Variants in PCDHGB3 observed in about 807,000 individuals in gnomAD.
PCDHGB3 encodes the protein protocadherin gamma-B3.
PCDHGB3 carries 40 observed loss-of-function variants against 59.2 expected under a neutral mutation model. The ratio of observed to expected loss-of-function variants is 0.68; its 90% CI spans 0.52 to 0.88. The LOEUF (loss-of-function observed/expected upper bound fraction) is 0.88, where lower values mean the gene tolerates loss of function less well. Ranked by LOEUF, PCDHGB3 falls within the 40% of genes least tolerant of loss-of-function variation. The pLI, the probability that PCDHGB3 is intolerant of heterozygous loss-of-function variation, is 0.00. For synonymous variants in PCDHGB3, 581 were observed against 503.6 expected (o/e 1.15, Z -2.06); for missense variants, 1,309 against 1,187.9 (o/e 1.10, Z -1.50).
At chr5:141,400,799 G>C (rs2094077749) in intron 1 of PCDHGB3, 1 of 553,376 alleles carries the variant, frequency 1.8e-6, no homozygotes, top group Non-Finnish European at 3.2e-6. Flanking sequence ...CTTTCTCAAA[G>C]CTAATGAATT....
chr5:141,399,436 C>T (rs550386808), intron 1 of PCDHGB3: 12 of 1,613,996 alleles, frequency 7.4e-6, no homozygotes, highest in Admixed American at 3.3e-5. Context: ...CGTCATCCTA[C>T]ATATCAGAGA....
chr5:141,385,363 T>G lies in PCDHGB3; in HGVS notation c.2415+12554T>G, dbSNP rs533363868. The G allele has an allele frequency of 5.7e-5, 88 of 1,539,980 alleles. No individual in the cohort carries two copies. The South Asian group carries it at 1.1e-3, about 19-fold the overall frequency. The stretch of plus-strand genomic sequence containing the variant: ...TCCTTTATTTCCATGAGGAATTTAT[T>G]TGCATGATATTTCTCTATTATTTTG... On this transcript the variant is annotated intron_variant, in intron 1 of 3. Transcript: ENST00000576222.
At chr5:141,442,403 G>A (rs1042068651) in intron 1 of PCDHGB3, 2 of 152,168 alleles carry the variant, frequency 1.3e-5, no homozygotes, top group African/African-American at 4.8e-5. Context: ...TACGAATCCA[G>A]GGCTGAGTGA....
At chr5:141,415,024 G>C in intron 1 of PCDHGB3, 1 of 1,613,568 alleles carries the variant, frequency 6.2e-7, no homozygotes, top group Non-Finnish European at 8.5e-7. Flanking sequence ...CAAGGCCAGC[G>C]AGCCGGGACT....
intron 1 of PCDHGB3, chr5:141,421,995 C>G (rs750731453): frequency 6.2e-7 from 1 of 1,608,844 alleles, no homozygotes; most frequent in South Asian, 1.1e-5. Context: ...CAGAAAACAT[C>G]AGCTCCGGAA....
At chr5:141,373,976 G>A in intron 1 of PCDHGB3, 3 of 1,066,504 alleles carry the variant, frequency 2.8e-6, no homozygotes, top group South Asian at 2.6e-5. Context: ...CTTCGCATCC[G>A]GTCTCTGCTT....
chr5:141,404,185 C>T, intron 1 of PCDHGB3: 1 of 1,613,214 alleles, frequency 6.2e-7, no homozygotes, highest in Non-Finnish European at 8.5e-7. Context: ...AAATTCTTGA[C>T]CGAGAAAAAG....
chr5:141,458,575 G>A (rs1337776166), intron 1 of PCDHGB3, among the ~76,000 whole-genome samples: 1 of 151,346 alleles, frequency 6.6e-6, no homozygotes, highest in Non-Finnish European at 1.5e-5. Context: ...GTTTTTGTTT[G>A]TTTGTTTGTT....
At chr5:141,497,703 C>T (rs995815060) in intron 2 of PCDHGB3, among the ~76,000 whole-genome samples, 16 of 152,134 alleles carry the variant, frequency 1.1e-4, no homozygotes, top group African/African-American at 3.9e-4. Context: ...CCACACCCAG[C>T]TCATTTTTGT....
chr5:141,394,229 T>C, intron 1 of PCDHGB3: 1 of 1,613,872 alleles, frequency 6.2e-7, no homozygotes, highest in Non-Finnish European at 8.5e-7. Flanking sequence ...CCTCCATCTT[T>C]TCCTTGACTG....
chr5:141,480,429 T>C (rs72790066), intron 1 of PCDHGB3, among the ~76,000 whole-genome samples: 4 of 151,864 alleles, frequency 2.6e-5, no homozygotes, highest in African/African-American at 9.7e-5. Flanking sequence ...AAAAAAATTA[T>C]CAGCTATTAC....
Position 141,511,065 on chromosome 5 carries a change from C to T in PCDHGB3, c.2682C>T (p.Ile894=). Residue 894 remains isoleucine, a synonymous_variant, in exon 4 of 4, where the codon ATC becomes ATT. Transcript: ENST00000576222. ...HVPDYRQNVY[I]PGSNATLTNA... ...CCGACTACCGCCAGAATGTCTACATCCCAGGCAGCAATGCCACACTGACCA... is the reference window on the plus strand; with the variant it reads ...CCGACTACCGCCAGAATGTCTACATTCCAGGCAGCAATGCCACACTGACCA... The T allele has an allele frequency of 6.2e-7, 1 of 1,614,222 alleles. No individual in the cohort carries two copies. Among genetic ancestry groups the T allele is most frequent in the Middle Eastern group, 1.6e-4 (1 of 6,062 alleles).
At chr5:141,382,174 T>C (rs565518933) in intron 1 of PCDHGB3, among the ~76,000 whole-genome samples, 1 of 152,302 alleles carries the variant, frequency 6.6e-6, no homozygotes, top group African/African-American at 2.4e-5. Context: ...TTAGACCGTC[T>C]CTAAGGTTCT....
chr5:141,384,238 G>C, intron 1 of PCDHGB3: 2 of 1,613,838 alleles, frequency 1.2e-6, no homozygotes, highest in Admixed American at 1.7e-5. Flanking sequence ...AGACACCAAC[G>C]ATAACCCACC....
intron 2 of PCDHGB3, among the ~76,000 whole-genome samples, chr5:141,502,783 G>A (rs2099816035): frequency 6.6e-6 from 1 of 151,652 alleles, no homozygotes; most frequent in African/African-American, 2.4e-5. Context: ...AAAATTACCT[G>A]GATGATTTCT....
chr5:141,466,085 G>T (rs1028177123), intron 1 of PCDHGB3, among the ~76,000 whole-genome samples: 2 of 151,984 alleles, frequency 1.3e-5, no homozygotes, highest in African/African-American at 4.8e-5. Flanking sequence ...TCATGCCACT[G>T]CACTCCAGCC....
chr5:141,385,107 C>T, intron 1 of PCDHGB3: 1 of 1,614,178 alleles, frequency 6.2e-7, no homozygotes, highest in Non-Finnish European at 8.5e-7. Context: ...CGAACGTGCC[C>T]ACCTCGCACT....
Position 141,478,294 on chromosome 5 carries a change from A to G in PCDHGB3, c.2416-16513A>G, listed in dbSNP as rs147994096. The G allele has an allele frequency of 3.6e-3, 5,805 of 1,614,110 alleles. 30 individuals are homozygous for G. Among genetic ancestry groups the G allele is most frequent in the Non-Finnish European group, 3.4e-3 (4,026 of 1,180,032 alleles). The stretch of plus-strand genomic sequence containing the variant: ...ACAAGTGGAAGCAGTCTAGAGACCT[A>G]TACCGAGCCCCGGTGAGCTCACTGT... On this transcript the variant is annotated intron_variant, in intron 1 of 3. Coordinates refer to ENST00000576222, the MANE Select transcript of PCDHGB3 (RefSeq NM_018924.5).
rs1386791249 is a variant in PCDHGB3 at position 141,511,417 on chromosome 5, G to A, written c.*244G>A. 1.2e-6 allele frequency: 1 copy of A among 835,942 alleles called. No homozygotes were observed. Among genetic ancestry groups the A allele is most frequent in the African/African-American group, 1.7e-5 (1 of 58,154 alleles). The allele number at this position is 835,942 out of a possible 1,614,324, so 51.8% of individuals were successfully genotyped here. A position where few individuals can be genotyped will look rare whatever the true frequency, so the allele number is the denominator to read the frequency against. The stretch of plus-strand genomic sequence containing the variant: ...CCATCCAATCAACTGCTGTACCCAT[G>A]GGGGTAGTGGGGTTACTGTAGACAC... On this transcript the variant is annotated 3_prime_UTR_variant, in exon 4 of 4. Transcript: ENST00000576222.
Sources: allele counts gnomAD v4.1 joint callset (sites outside exome capture counted in the v4.1 genomes callset), GRCh38; gene constraint gnomAD v4.1.1; transcripts MANE v1.5; gene names NCBI Gene and HGNC (gene_info 2026-07-23, HGNC 2026-07-21).